The following SEC23A variants were observed in gnomAD, a reference collection of about 807,000 sequenced individuals.
The protein encoded by SEC23A is SEC23 homolog A, COPII component.
A neutral mutation model predicts 103.7 loss-of-function variants in SEC23A; 56 were observed. That is an observed-to-expected ratio of 0.54 (90% confidence interval 0.44 to 0.67). The LOEUF is 0.67. SEC23A is among the 30% of genes least tolerant of loss of function. SEC23A has a pLI of 0.00. For synonymous variants in SEC23A, 281 were observed against 293.0 expected (o/e 0.96, Z 0.42); for missense variants, 784 against 936.4 (o/e 0.84, Z 2.12).
At chr14:39,048,596 T>A (rs576992559) in intron 15 of SEC23A, 56 bp downstream of exon 15, 1 of 1,103,152 alleles carries the variant, frequency 9.1e-7, no homozygotes, top group East Asian at 2.4e-5. Flanking sequence ...GGAGAGCCTG[T>A]CTCTAAAAAA....
chr14:39,075,729 G>A (rs368907225), intron 8 of SEC23A, among the ~76,000 whole-genome samples: 3 of 152,188 alleles, frequency 2.0e-5, no homozygotes, highest in African/African-American at 4.8e-5. Flanking sequence ...CTACTGACAC[G>A]TACTATGAAG....
intron 18 of SEC23A, chr14:39,039,332 T>TTTTTTTTTTTTTTTTTTTTTTTTGAGACG: frequency 2.1e-6 from 1 of 481,912 alleles, no homozygotes. Context: ...AATACATTGT[T>TTTTTTTTTTTTTTTTTTTTTTTTGAGACG]GAGTCCAAAA....
chr14:39,049,252 C>T lies in SEC23A; in HGVS notation c.1660-523G>A, dbSNP rs556116745. Among the ~76,000 whole-genome samples, 17 of 151,302 alleles carry T rather than the reference C, an allele frequency of 1.1e-4. No homozygotes were observed. The East Asian group carries it at 2.7e-3, about 24-fold the overall frequency. On this transcript the variant is annotated intron_variant, in intron 14 of 19. Transcript: ENST00000307712. ...CAGCACTTTGGGAGGCCAAGGCGGGCGGATCACAAGGTCAGGAGTTCGAGA... is the reference window on the plus strand; with the variant it reads ...CAGCACTTTGGGAGGCCAAGGCGGGTGGATCACAAGGTCAGGAGTTCGAGA...
chr14:39,052,484 C>A (rs1174877136), intron 14 of SEC23A, among the ~76,000 whole-genome samples: 3 of 152,112 alleles, frequency 2.0e-5, no homozygotes, highest in Non-Finnish European at 4.4e-5. Flanking sequence ...AAAAAATCCA[C>A]CTTTACAAGG....
In SEC23A at chr14:39,042,843, A is replaced by C; in HGVS notation, c.1929T>G (p.Leu643=). 6.2e-7 allele frequency: 1 copy of C among 1,612,874 alleles called. No homozygotes were observed. Among genetic ancestry groups the C allele is most frequent in the Non-Finnish European group, 8.5e-7 (1 of 1,178,954 alleles). ...EPVLLDSSSI[L]ADRILLMDTF... ...TGTCCATGAGAAGAATACGATCTGC[A>C]AGAATGCTACTGCTATCAAGAAGAA... Residue 643 remains leucine (L), a synonymous_variant, in exon 17 of 20, where the codon CTT becomes CTG. Transcript: ENST00000307712.
chr14:39,079,466 A>G (rs540586085), intron 7 of SEC23A, among the ~76,000 whole-genome samples: 3 of 152,294 alleles, frequency 2.0e-5, no homozygotes, highest in Admixed American at 2.0e-4. Flanking sequence ...TACATTTTTC[A>G]ACCTACACTA....
At chr14:39,070,896 G>A (rs559743623) in intron 9 of SEC23A, among the ~76,000 whole-genome samples, 10 of 152,232 alleles carry the variant, frequency 6.6e-5, no homozygotes, top group East Asian at 1.9e-4. Flanking sequence ...ACGTAGTGGC[G>A]CATGCCTGTA....
At chr14:39,067,934 T>C (rs1403926540) in intron 9 of SEC23A, among the ~76,000 whole-genome samples, 1 of 152,014 alleles carries the variant, frequency 6.6e-6, no homozygotes, top group African/African-American at 2.4e-5. Context: ...GCTGCCAAGG[T>C]GCTGGGATTA....
At chr14:39,070,615 T>C (rs775458418) in intron 9 of SEC23A, among the ~76,000 whole-genome samples, 10 of 152,232 alleles carry the variant, frequency 6.6e-5, no homozygotes, top group Non-Finnish European at 1.3e-4. Flanking sequence ...CACATGATCA[T>C]ATCAATAGCT....
chr14:39,102,396 TC>T (rs1566521204), intron 1 of SEC23A, among the ~76,000 whole-genome samples: 1 of 152,108 alleles, frequency 6.6e-6, no homozygotes, highest in African/African-American at 2.4e-5. Context: ...TTGAGGGAGT[TC>T]AAGTGAAAAC....
At chr14:39,069,152 C>T (rs183144384) in intron 9 of SEC23A, among the ~76,000 whole-genome samples, 2 of 152,286 alleles carry the variant, frequency 1.3e-5, no homozygotes, top group South Asian at 2.1e-4. Flanking sequence ...ATTGTCCACA[C>T]CCTTACATCT....
chr14:39,067,094 A>G, intron 10 of SEC23A, 79 bp downstream of exon 10: 2 of 1,519,530 alleles, frequency 1.3e-6, no homozygotes, highest in Middle Eastern at 1.7e-4. Flanking sequence ...AAATTTGATT[A>G]ATGGCATTTT....
intron 1 of SEC23A, among the ~76,000 whole-genome samples, chr14:39,098,995 A>G (rs957760679): frequency 6.6e-6 from 1 of 152,042 alleles, no homozygotes; most frequent in Non-Finnish European, 1.5e-5. Context: ...TGTTTTCTCA[A>G]TTCTCCCAAG....
chr14:39,063,366 A>G lies in SEC23A; in HGVS notation c.1356T>C (p.Ser452=). Residue 452 remains serine (S), a synonymous_variant, in exon 12 of 20, where the codon AGT becomes AGC. Transcript: ENST00000307712. ...GTCQWKICGL[S]PTTTLAIYFE... ...AATATATGGCTAAGGTTGTAGTGGG[A>G]CTAAGTCCACATATCTTCCACTGAC... 6.2e-7 allele frequency: 1 copy of G among 1,612,548 alleles called. No homozygotes were observed. The highest frequency in any genetic ancestry group is 8.5e-7 in the Non-Finnish European group (1 of 1,178,756).
intron 10 of SEC23A, among the ~76,000 whole-genome samples, chr14:39,066,108 T>C (rs1052201600): frequency 1.3e-5 from 2 of 151,770 alleles, no homozygotes; most frequent in African/African-American, 4.8e-5. Flanking sequence ...TCTAAACCTT[T>C]ATAGTGTTTT....
chr14:39,068,326 T>C (rs1443844942), intron 9 of SEC23A, among the ~76,000 whole-genome samples: 1 of 152,148 alleles, frequency 6.6e-6, no homozygotes, highest in Non-Finnish European at 1.5e-5. Context: ...AGTAACTTGA[T>C]AATATCTAAC....
At chr14:39,049,368 T>C (rs1658589999) in intron 14 of SEC23A, among the ~76,000 whole-genome samples, 1 of 150,572 alleles carries the variant, frequency 6.6e-6, no homozygotes, top group Non-Finnish European at 1.5e-5. Flanking sequence ...CCCAGCTACA[T>C]GGGAGGCTGA....
At chr14:39,098,931 C>A (rs1887987934) in intron 1 of SEC23A, among the ~76,000 whole-genome samples, 1 of 151,550 alleles carries the variant, frequency 6.6e-6, no homozygotes, top group Non-Finnish European at 1.5e-5. Flanking sequence ...TAAAACACAT[C>A]TGCAAAAGGC....
intron 10 of SEC23A, among the ~76,000 whole-genome samples, chr14:39,066,965 C>CA (rs1256230361): frequency 2.6e-4 from 39 of 152,244 alleles, no homozygotes; most frequent in African/African-American, 8.7e-4. Context: ...ACTTTTCTAA[C>CA]AATTGTTCAG....
Sources: gnomAD v4.1 joint callset for allele counts (sites outside exome capture counted in the v4.1 genomes callset) on GRCh38, gnomAD v4.1.1 for gene constraint, MANE v1.5 for transcripts, NCBI Gene and HGNC (gene_info 2026-07-23, HGNC 2026-07-21) for gene names.